The following TTC3 variants were observed in gnomAD, a reference collection of about 807,000 sequenced individuals.
The protein encoded by TTC3 is E3 ubiquitin-protein ligase TTC3.
In TTC3, 180 loss-of-function variants were observed where a neutral mutation model predicts 249.6. That is an observed-to-expected ratio of 0.72 (90% CI 0.64 to 0.82). The LOEUF is 0.82. Ranked by LOEUF, TTC3 falls within the 40% of genes least tolerant of loss-of-function variation. The pLI is 0.00. For synonymous variants in TTC3, 717 were observed against 805.0 expected, an observed-to-expected ratio of 0.89 and a Z score of 1.85; for missense variants, 2,061 against 2,398.4, an observed-to-expected ratio of 0.86 and a Z score of 2.94.
intron 34 of TTC3, among the ~76,000 whole-genome samples, chr21:37,170,028 C>A (rs2081610765): frequency 6.6e-6 from 1 of 151,800 alleles, no homozygotes; most frequent in African/African-American, 2.4e-5. Flanking sequence ...AAAAAATGGA[C>A]CTATAAAAGT....
At chr21:37,075,112 T>C (rs2070652864) in intron 1 of TTC3, among the ~76,000 whole-genome samples, 1 of 152,146 alleles carries the variant, frequency 6.6e-6, no homozygotes, top group South Asian at 2.1e-4. Context: ...TATATATTAT[T>C]GTTTGTTTTT....
At chr21:37,121,264 G>A (rs2076558217) in intron 11 of TTC3, 3 of 152,196 alleles carry the variant, frequency 2.0e-5, no homozygotes, top group African/African-American at 7.2e-5. Flanking sequence ...AGATAACAAT[G>A]AAAAGCTGAG....
intron 22 of TTC3, 45 bp from the exon 23 acceptor site, chr21:37,148,499 CAG>C (rs1241856185): frequency 3.9e-6 from 4 of 1,037,176 alleles, no homozygotes; most frequent in Non-Finnish European, 5.6e-6. Flanking sequence ...AGTGAGTGTG[CAG>C]AGACATCTTT....
intron 10 of TTC3, among the ~76,000 whole-genome samples, chr21:37,103,218 G>A (rs1359000855): frequency 6.6e-6 from 1 of 152,198 alleles, no homozygotes; most frequent in Non-Finnish European, 1.5e-5. Flanking sequence ...GCAGAATGTA[G>A]CATATTTTAT....
chr21:37,186,971 T>C, intron 37 of TTC3, 78 bp from the exon 38 acceptor site: 1 of 819,128 alleles, frequency 1.2e-6, no homozygotes, highest in Non-Finnish European at 1.9e-6. Context: ...GTTTCAAAGC[T>C]CATCCAGCCT....
At chr21:37,146,879 A>G (rs2079030846) in intron 21 of TTC3, among the ~76,000 whole-genome samples, 1 of 152,188 alleles carries the variant, frequency 6.6e-6, no homozygotes, top group African/African-American at 2.4e-5. Flanking sequence ...AAAAAATACA[A>G]CACAGGGATT....
At chr21:37,139,697 T>C (rs2147953144) in intron 19 of TTC3, among the ~76,000 whole-genome samples, 1 of 152,288 alleles carries the variant, frequency 6.6e-6, no homozygotes, top group Non-Finnish European at 1.5e-5. Context: ...AACTTCATGA[T>C]TTTCATTTTA....
In TTC3 at chr21:37,096,744, GTTCT is replaced by G. The variant is rs1234418975; in HGVS notation, c.845+104_845+107del. ...AGGTATACAAGAAAATCCTTGACTG[GTTCT>G]TTGGCAGAAATACTTAAGTGGTTAA... On this transcript the variant is annotated intron_variant, in intron 10 of 45. Coordinates refer to ENST00000355666, the Ensembl canonical transcript of TTC3. 3 of 845,222 alleles carry G rather than the reference GTTCT, an allele frequency of 3.5e-6. No homozygotes were observed. The African/African-American group carries it at 5.1e-5, about 14-fold the overall frequency. The allele number at this position is 845,222 out of a possible 1,614,324, so 52.4% of individuals were successfully genotyped here.
At chr21:37,149,644 G>T (rs74489639) in intron 23 of TTC3, among the ~76,000 whole-genome samples, 3,085 of 152,188 alleles carry the variant, frequency 0.02, 56 homozygotes, top group Middle Eastern at 0.044. Flanking sequence ...TACATGACTT[G>T]TCCTGCAGTT....
At chr21:37,151,760 C>A (rs2079489668) in intron 25 of TTC3, 133 bp from the exon 26 acceptor site, 3 of 1,026,700 alleles carry the variant, frequency 2.9e-6, no homozygotes, top group Non-Finnish European at 4.0e-6. Flanking sequence ...CAGTTTCTTA[C>A]ATTGAATGGA....
chr21:37,168,329 A>G (rs2081425620), intron 34 of TTC3, among the ~76,000 whole-genome samples: 1 of 152,198 alleles, frequency 6.6e-6, no homozygotes, highest in Non-Finnish European at 1.5e-5. Context: ...GATAGAAAAG[A>G]GGAGATGTGA....
intron 34 of TTC3, among the ~76,000 whole-genome samples, chr21:37,171,952 C>T (rs1033411837): frequency 6.6e-6 from 1 of 152,210 alleles, no homozygotes; most frequent in Admixed American, 6.5e-5. Flanking sequence ...TTACCTGCAG[C>T]TGGAGAAGCT....
chr21:37,150,156 G>T lies in TTC3; in HGVS notation c.2197G>T (p.Glu733Ter). 6.2e-7 allele frequency: 1 copy of T among 1,612,898 alleles called. No individual in the cohort carries two copies. Among genetic ancestry groups the T allele is most frequent in the Non-Finnish European group, 8.5e-7 (1 of 1,179,268 alleles). The change falls in exon 24 of 46, where the codon GAA becomes TAA. Residue 733 changes from glutamate (E) to a stop codon, truncating the protein, a stop_gained. Transcript: ENST00000355666. LOFTEE classifies it high-confidence loss of function. ...GATTATCATCTTCAGCAGTGGTGGT[G>T]AAGTTAAATGTGAAGTAAGTAATAA...
intron 23 of TTC3, among the ~76,000 whole-genome samples, chr21:37,149,762 G>A (rs16994766): frequency 0.013 from 1,919 of 152,266 alleles, 42 homozygotes; most frequent in African/African-American, 0.043. Flanking sequence ...ACATCTTCCT[G>A]TGTCAGAGGA....
chr21:37,130,870 A>G (rs1373253533), intron 16 of TTC3, among the ~76,000 whole-genome samples: 7 of 152,084 alleles, frequency 4.6e-5, no homozygotes, highest in Non-Finnish European at 1.0e-4. Context: ...GCACCTGTTC[A>G]TGTATATTTA....
chr21:37,105,152 T>G (rs1416225731), intron 10 of TTC3, among the ~76,000 whole-genome samples: 2 of 152,196 alleles, frequency 1.3e-5, no homozygotes, highest in African/African-American at 4.8e-5. Context: ...TTTGGCAACA[T>G]GGACATCATT....
intron 41 of TTC3, among the ~76,000 whole-genome samples, chr21:37,192,489 C>G (rs1189438863): frequency 7.6e-5 from 4 of 52,782 alleles, no homozygotes; most frequent in South Asian, 1.3e-3. Context: ...TGTCTTCTAT[C>G]TTTGTGTGTG....
At chr21:37,093,099 T>C (rs1363117712) in intron 7 of TTC3, among the ~76,000 whole-genome samples, 2 of 152,074 alleles carry the variant, frequency 1.3e-5, no homozygotes, top group Non-Finnish European at 2.9e-5. Context: ...AAATGCTCGC[T>C]GGGCGCGGTG....
At chr21:37,079,517 G>GTTTTTT (rs60361476) in intron 1 of TTC3, among the ~76,000 whole-genome samples, 42 of 91,188 alleles carry the variant, frequency 4.6e-4, no homozygotes, top group African/African-American at 1.1e-3. Flanking sequence ...TTATGGTATG[G>GTTTTTT]TTTTTTTTTT....
Sources: allele counts gnomAD v4.1 joint callset (sites outside exome capture counted in the v4.1 genomes callset), GRCh38; gene constraint gnomAD v4.1.1; transcripts MANE v1.5; gene names NCBI Gene and HGNC (gene_info 2026-07-23, HGNC 2026-07-21).